The following PPARGC1A variants were observed in gnomAD, a reference collection of about 807,000 sequenced individuals.
The protein encoded by PPARGC1A is peroxisome proliferator-activated receptor gamma coactivator 1-alpha.
Under a neutral mutation model 88.7 loss-of-function variants are expected in PPARGC1A, and 25 were observed. The ratio of observed to expected loss-of-function variants is 0.28; its 90% CI spans 0.21 to 0.39. The LOEUF (loss-of-function observed/expected upper bound fraction) is 0.39. Ranked by LOEUF, PPARGC1A falls within the 10% of genes least tolerant of loss-of-function variation. The pLI is 1.00. For synonymous variants in PPARGC1A, 363 were observed against 355.6 expected (o/e 1.02, Z -0.24); for missense variants, 880 against 968.7 (o/e 0.91, Z 1.22).
the PPARGC1A span, among the ~76,000 whole-genome samples, chr4:24,140,370 C>T: frequency 6.6e-6 from 1 of 152,184 alleles, no homozygotes; most frequent in Non-Finnish European, 1.5e-5. Flanking sequence ...TCTGTAATCA[C>T]ATTGCTTTAA....
the PPARGC1A span, among the ~76,000 whole-genome samples, chr4:24,088,700 CTT>C: frequency 6.6e-6 from 1 of 152,172 alleles, no homozygotes; most frequent in Non-Finnish European, 1.5e-5. Flanking sequence ...TTATTAAAGT[CTT>C]AATGATTCAG....
At chr4:24,197,128 A>G in the PPARGC1A span, among the ~76,000 whole-genome samples, 3 of 152,220 alleles carry the variant, frequency 2.0e-5, no homozygotes, top group Admixed American at 6.5e-5. Context: ...ACAAATCAGG[A>G]TGTGCATTTA....
the PPARGC1A span, among the ~76,000 whole-genome samples, chr4:24,253,608 A>G: frequency 6.6e-6 from 1 of 152,258 alleles, no homozygotes; most frequent in Non-Finnish European, 1.5e-5. Flanking sequence ...TAAGATTAAC[A>G]CATTCAACAG....
At chr4:24,030,020 G>C in the PPARGC1A span, among the ~76,000 whole-genome samples, 1 of 152,210 alleles carries the variant, frequency 6.6e-6, no homozygotes, top group Non-Finnish European at 1.5e-5. Context: ...CCCCCATGCA[G>C]ACAGAGTGCC....
the PPARGC1A span, among the ~76,000 whole-genome samples, chr4:23,978,846 T>G: frequency 6.6e-6 from 1 of 152,108 alleles, no homozygotes; most frequent in East Asian, 1.9e-4. Flanking sequence ...ATGAAATGTG[T>G]TTTTTGCAGA....
At chr4:23,908,001 G>C (rs1720259753), upstream of PPARGC1A, among the ~76,000 whole-genome samples, 1 of 152,164 alleles carries the variant, frequency 6.6e-6, no homozygotes, top group Non-Finnish European at 1.5e-5. Context: ...ATGTGTAAGA[G>C]AGGCATTTTT....
At chr4:24,167,350 T>C in the PPARGC1A span, among the ~76,000 whole-genome samples, 1 of 152,236 alleles carries the variant, frequency 6.6e-6, no homozygotes, top group African/African-American at 2.4e-5. Flanking sequence ...AAGTGGTTTC[T>C]TGAGATGGAA....
At chr4:24,084,963 G>C in the PPARGC1A span, among the ~76,000 whole-genome samples, 106 of 152,250 alleles carry the variant, frequency 7.0e-4, no homozygotes, top group Non-Finnish European at 1.4e-3. Flanking sequence ...ATTAGAAAAG[G>C]TCAGTCTACA....
the PPARGC1A span, among the ~76,000 whole-genome samples, chr4:24,408,203 T>C: frequency 6.6e-6 from 1 of 151,524 alleles, no homozygotes; most frequent in Non-Finnish European, 1.5e-5. Flanking sequence ...ATCCAGGCCA[T>C]GGAAATTTCA....
At chr4:24,163,094 C>T in the PPARGC1A span, among the ~76,000 whole-genome samples, 1 of 150,438 alleles carries the variant, frequency 6.6e-6, no homozygotes, top group Non-Finnish European at 1.5e-5. Context: ...GTCTCTCATA[C>T]AATAGTCTTT....
the PPARGC1A span, among the ~76,000 whole-genome samples, chr4:24,233,741 G>A: frequency 6.6e-6 from 1 of 151,736 alleles, no homozygotes; most frequent in South Asian, 2.1e-4. Flanking sequence ...GTGCTTCAAT[G>A]GTCACACAGG....
the PPARGC1A span, among the ~76,000 whole-genome samples, chr4:24,281,014 G>A: frequency 6.6e-6 from 1 of 152,156 alleles, no homozygotes; most frequent in Non-Finnish European, 1.5e-5. Context: ...TTATGAGTGG[G>A]CTGTCAGGCA....
rs573200785 is a variant in PPARGC1A at position 23,861,490 on chromosome 4, C to T, written c.234+23262G>A. On this transcript the variant is annotated intron_variant, in intron 2 of 12. Transcript: ENST00000264867. ...TACCTTTTATGGACATAATGTTGAA[C>T]TAGAAACCAGGGAGTTGCTAGGAGA... Among the ~76,000 whole-genome samples the T allele has an allele frequency of 2.6e-5, 4 of 152,220 alleles. No individual in the cohort carries two copies. In the South Asian group the frequency reaches 8.3e-4, roughly 32 times the overall value.
the PPARGC1A span, among the ~76,000 whole-genome samples, chr4:23,927,897 A>G: frequency 1.3e-5 from 2 of 152,168 alleles, no homozygotes; most frequent in South Asian, 2.1e-4. Context: ...ATGGAAATGG[A>G]CTTTAACCAA....
chr4:24,343,078 A>G, the PPARGC1A span, among the ~76,000 whole-genome samples: 1 of 152,328 alleles, frequency 6.6e-6, no homozygotes, highest in African/African-American at 2.4e-5. Flanking sequence ...AAGGAACCAG[A>G]ATAGAACGTT....
intron 7 of PPARGC1A, among the ~76,000 whole-genome samples, chr4:23,815,402 T>C (rs1219046876): frequency 2.0e-5 from 3 of 152,058 alleles, no homozygotes; most frequent in African/African-American, 7.2e-5. Context: ...ACACTAAATA[T>C]CACAGTGCCA....
chr4:23,981,791 T>G, the PPARGC1A span, among the ~76,000 whole-genome samples: 1 of 152,216 alleles, frequency 6.6e-6, no homozygotes, highest in Non-Finnish European at 1.5e-5. Context: ...TTGATCAGTT[T>G]GATCACAAAG....
the PPARGC1A span, among the ~76,000 whole-genome samples, chr4:24,103,603 A>C: frequency 6.6e-6 from 1 of 151,686 alleles, no homozygotes; most frequent in South Asian, 2.1e-4. Flanking sequence ...TCCAAAAAAA[A>C]AAAAAAAAGC....
intron 2 of PPARGC1A, among the ~76,000 whole-genome samples, chr4:23,874,863 T>C (rs1163019454): frequency 6.6e-6 from 1 of 152,218 alleles, no homozygotes; most frequent in Non-Finnish European, 1.5e-5. Context: ...AATTTACAAG[T>C]GTTCGCTTCC....
Sources: allele counts gnomAD v4.1 joint callset (sites outside exome capture counted in the v4.1 genomes callset), GRCh38; gene constraint gnomAD v4.1.1; transcripts MANE v1.5; gene names NCBI Gene and HGNC (gene_info 2026-07-23, HGNC 2026-07-21).